NRXN3: variants seen among roughly 807,000 people sequenced by gnomAD.
NRXN3 encodes the protein neurexin 3, also known as neurexin III.
In NRXN3, 32 loss-of-function variants were observed where a neutral mutation model predicts 137.6. That is an observed-to-expected ratio of 0.23 (90% confidence interval 0.18 to 0.31). NRXN3 has a LOEUF of 0.31. Among genes scored for constraint, NRXN3 ranks in the 10% least tolerant of loss-of-function variants. The pLI is 1.00. For synonymous variants in NRXN3, 798 were observed against 784.5 expected, an observed-to-expected ratio of 1.02 and a Z score of -0.29; for missense variants, 1,574 against 2,062.5, an observed-to-expected ratio of 0.76 and a Z score of 4.59.
At chr14:78,456,829 C>CTTTCTTTA (rs1344986438) in intron 4 of NRXN3, among the ~76,000 whole-genome samples, 1 of 128,214 alleles carries the variant, frequency 7.8e-6, no homozygotes, top group Non-Finnish European at 1.8e-5. Flanking sequence ...TTCTTTCTTT[C>CTTTCTTTA]TTTCTTTCTT....
At position 78,331,666 on chromosome 14, in the gene NRXN3, T is replaced by G. The variant is rs536546303; in HGVS notation, c.757+33806T>G. ...CAGGTAGCCTGAGAGTTCCAGGATGTGTGAGTTGAGGAGGAAATGCTGTTC... is the reference window on the plus strand; with the variant it reads ...CAGGTAGCCTGAGAGTTCCAGGATGGGTGAGTTGAGGAGGAAATGCTGTTC... On this transcript the variant is annotated intron_variant, in intron 4 of 20. Transcript: ENST00000335750. Among the ~76,000 whole-genome samples, 276 of 152,242 alleles carry G rather than the reference T, an allele frequency of 1.8e-3. 1 individual carries two copies. The highest frequency in any genetic ancestry group is 6.5e-3 in the African/African-American group (271 of 41,540).
chr14:78,430,809 G>A (rs1598577482), intron 4 of NRXN3, among the ~76,000 whole-genome samples: 1 of 152,338 alleles, frequency 6.6e-6, no homozygotes. Flanking sequence ...GACAGCTGAA[G>A]GTTGTGCTCA....
At chr14:79,415,977 T>A (rs546361280) in intron 15 of NRXN3, among the ~76,000 whole-genome samples, 1 of 152,262 alleles carries the variant, frequency 6.6e-6, no homozygotes, top group East Asian at 1.9e-4. Context: ...ATGTCTTCAC[T>A]TCTTATTCCT....
At chr14:78,176,947 A>G (rs529121944) in intron 1 of NRXN3, among the ~76,000 whole-genome samples, 70 of 152,122 alleles carry the variant, frequency 4.6e-4, no homozygotes, top group African/African-American at 1.6e-3. Context: ...CTGGTGGGCT[A>G]TATTCCAGCT....
chr14:78,227,893 G>A (rs191606359), intron 1 of NRXN3, among the ~76,000 whole-genome samples: 147 of 152,260 alleles, frequency 9.7e-4, no homozygotes, highest in Non-Finnish European at 1.7e-3. Flanking sequence ...GCGAGCGTGG[G>A]CATGTTCTCA....
chr14:78,638,645 T>C (rs1202661363), intron 4 of NRXN3, among the ~76,000 whole-genome samples: 2 of 152,180 alleles, frequency 1.3e-5, no homozygotes, highest in African/African-American at 4.8e-5. Context: ...AGCAGATAAC[T>C]TGGATGTCTG....
At chr14:78,236,186 T>A (rs567187195) in intron 1 of NRXN3, among the ~76,000 whole-genome samples, 1 of 152,312 alleles carries the variant, frequency 6.6e-6, no homozygotes, top group East Asian at 1.9e-4. Context: ...CTTGTTGCAT[T>A]TTCACAAACT....
chr14:79,738,505 T>C (rs1034936544), intron 19 of NRXN3, among the ~76,000 whole-genome samples: 6 of 152,196 alleles, frequency 3.9e-5, no homozygotes, highest in Admixed American at 3.9e-4. Flanking sequence ...AGCTCAATGA[T>C]ACTAATTTCA....
chr14:79,106,208 G>A (rs1157717064), intron 15 of NRXN3, among the ~76,000 whole-genome samples: 1 of 152,048 alleles, frequency 6.6e-6, no homozygotes, highest in Non-Finnish European at 1.5e-5. Flanking sequence ...CTCTCAGATA[G>A]TATAATATCA....
At chr14:79,055,834 C>G (rs1341137788) in intron 15 of NRXN3, among the ~76,000 whole-genome samples, 5 of 152,006 alleles carry the variant, frequency 3.3e-5, no homozygotes, top group African/African-American at 1.2e-4. Flanking sequence ...CAGTGCAGGT[C>G]AATTTAGGAG....
chr14:78,967,476 G>T, intron 13 of NRXN3, 78 bp downstream of exon 13: 1 of 982,252 alleles, frequency 1.0e-6, no homozygotes, highest in Non-Finnish European at 1.5e-6. Context: ...GCAAACCACA[G>T]GTTCAGAGTG....
chr14:79,733,228 C>T (rs887859686), intron 19 of NRXN3, among the ~76,000 whole-genome samples: 5 of 152,104 alleles, frequency 3.3e-5, no homozygotes, highest in Non-Finnish European at 7.4e-5. Flanking sequence ...GTTTTAAATA[C>T]CAGTCTTCCA....
At chr14:78,951,446 G>T (rs2099386908) in intron 10 of NRXN3, among the ~76,000 whole-genome samples, 1 of 151,992 alleles carries the variant, frequency 6.6e-6, no homozygotes, top group African/African-American at 2.4e-5. Context: ...CCAACCAACT[G>T]CTCAGGACAA....
At chr14:78,590,649 C>T (rs1433118765) in intron 4 of NRXN3, among the ~76,000 whole-genome samples, 1 of 152,178 alleles carries the variant, frequency 6.6e-6, no homozygotes, top group Non-Finnish European at 1.5e-5. Context: ...TGCACTGGCT[C>T]ATGCCTGTAA....
chr14:78,499,210 G>A (rs1354622002), intron 4 of NRXN3, among the ~76,000 whole-genome samples: 2 of 151,690 alleles, frequency 1.3e-5, no homozygotes, highest in Non-Finnish European at 2.9e-5. Flanking sequence ...GGTGCAACTA[G>A]ATCATGTTTA....
intron 4 of NRXN3, among the ~76,000 whole-genome samples, chr14:78,305,842 T>C (rs2077319096): frequency 6.6e-6 from 1 of 152,170 alleles, no homozygotes; most frequent in South Asian, 2.1e-4. Context: ...AAAATCGCTT[T>C]GTTTTTTCAA....
At chr14:78,963,155 T>A (rs796669345) in intron 11 of NRXN3, among the ~76,000 whole-genome samples, 29 of 142,102 alleles carry the variant, frequency 2.0e-4, no homozygotes, top group African/African-American at 8.2e-4. Flanking sequence ...CTCTCTGCTA[T>A]CTCAATAAAC....
chr14:79,857,249 T>C (rs2099404583), intron 20 of NRXN3, among the ~76,000 whole-genome samples: 1 of 152,048 alleles, frequency 6.6e-6, no homozygotes, highest in Admixed American at 6.5e-5. Context: ...TGAGACAGAG[T>C]CTCGCTCTGT....
chr14:79,172,590 A>C (rs2061895782), intron 15 of NRXN3, among the ~76,000 whole-genome samples: 1 of 152,214 alleles, frequency 6.6e-6, no homozygotes, highest in Non-Finnish European at 1.5e-5. Flanking sequence ...TTATATTTTT[A>C]AACTATAAAA....
Sources: allele counts gnomAD v4.1 joint callset (sites outside exome capture counted in the v4.1 genomes callset), GRCh38; gene constraint gnomAD v4.1.1; transcripts MANE v1.5; gene names NCBI Gene and HGNC (gene_info 2026-07-23, HGNC 2026-07-21).